CT45A10: variants seen among roughly 807,000 people sequenced by gnomAD.
CT45A10 encodes the protein cancer/testis antigen family 45 member A10.
In CT45A10, 19 loss-of-function variants were observed where a neutral mutation model predicts 8.3. That is an observed-to-expected ratio of 2.30 (90% CI 1.61 to 3.38). The LOEUF is 3.38. Ranked by LOEUF, CT45A10 falls within the 30% of genes most tolerant of loss-of-function variation. The pLI is 0.00. For missense variants in CT45A10, 149 were observed against 85.9 expected, an observed-to-expected ratio of 1.73 and a Z score of -2.90; for synonymous variants, 28 against 26.5, an observed-to-expected ratio of 1.06 and a Z score of -0.17.
intron 1 of CT45A10, among the ~76,000 whole-genome samples, chrX:135,891,056 TA>T (rs1314442355): frequency 9.0e-6 from 1 of 111,633 alleles, no homozygotes; most frequent in Non-Finnish European, 1.9e-5. Context: ...GTGCTTTTAA[TA>T]AATGCACTTC....
intron 1 of CT45A10, among the ~76,000 whole-genome samples, chrX:135,892,407 G>A (rs1010058538): frequency 2.7e-5 from 3 of 111,944 alleles, no homozygotes; most frequent in African/African-American, 6.5e-5. Context: ...TGCATGTGGC[G>A]AATCTGGAAC....
chrX:135,882,958 A>C, intron 3 of CT45A10, 50 bp downstream of exon 3: 1 of 1,173,822 alleles, frequency 8.5e-7, no homozygotes, highest in East Asian at 3.0e-5. Flanking sequence ...GAATCATAGA[A>C]AGAGTGACTT....
chrX:135,882,015 C>T (rs1302824026), intron 4 of CT45A10, among the ~76,000 whole-genome samples: 1 of 46,829 alleles, frequency 2.1e-5, no homozygotes, highest in Non-Finnish European at 4.0e-5. Context: ...ATGATTAATA[C>T]GTAGAAGTAT....
chrX:135,888,431 C>T (rs1411619391), intron 1 of CT45A10, among the ~76,000 whole-genome samples: 1 of 114,760 alleles, frequency 8.7e-6, no homozygotes, highest in African/African-American at 3.2e-5. Flanking sequence ...CAGATAGTGT[C>T]CCCAGGGCAG....
At position 135,882,683 on chromosome X, in the gene CT45A10, A is replaced by G; in HGVS notation, c.419-54T>C. ...ATTATCAAATATAAAGAAGAATAGA[A>G]GTGAATCTACACCTCAGCAATCATG... is the stretch of plus-strand genomic sequence containing the variant. On this transcript the variant is annotated intron_variant, in intron 3 of 4. Transcript: ENST00000682849. 17 of 1,031,711 alleles carry G rather than the reference A, an allele frequency of 1.6e-5. 1 individual carries two copies. The highest frequency in any genetic ancestry group is 1.3e-6 in the Non-Finnish European group (1 of 753,624). The allele number at this position is 1,031,711 out of a possible 1,213,427, so 85.0% of individuals were successfully genotyped here.
rs1415165180 is a variant in CT45A10, at chrX:135,883,548, T to C, written c.170-292A>G. On this transcript the variant is annotated intron_variant, in intron 2 of 4. Coordinates refer to ENST00000682849, the MANE Select transcript of CT45A10 (RefSeq NM_001291529.2). ...CCTATTTTCTGTCGCCTTGAATAGA[T>C]ATGGAAACCAAGTAAGGCAGTACAA... Among the ~76,000 whole-genome samples, 5 of 109,947 alleles carry C rather than the reference T, an allele frequency of 4.5e-5. 1 individual carries two copies. The highest frequency in any genetic ancestry group is 7.6e-5 in the Non-Finnish European group (4 of 52,548).
At position 135,893,364 on chromosome X, in the gene CT45A10, C is replaced by T. The variant is rs782575033; in HGVS notation, c.-26G>A. On this transcript the variant is annotated 5_prime_UTR_variant, in exon 1 of 5. Coordinates refer to ENST00000682849, the MANE Select transcript of CT45A10 (RefSeq NM_001291529.2). ...CCTGACCTTGCCGGAGGAGGGGCGG[C>T]AGCACCTCACAAAATGGCAGTGAAG... is the stretch of plus-strand genomic sequence containing the variant. Among the ~76,000 whole-genome samples, 2 of 112,751 alleles carry T rather than the reference C, an allele frequency of 1.8e-5. No individual in the cohort carries two copies. Among genetic ancestry groups the T allele is most frequent in the Non-Finnish European group, 3.8e-5 (2 of 53,280 alleles).
rs1339568271 is a variant in CT45A10, at chrX:135,882,616, G to T, written c.432C>A (p.Ile144=). The stretch of plus-strand genomic sequence containing the variant: ...CTTGCACTCCTTCAAGCATTTCGAA[G>T]ATTTTTTCATATTCTGAAGATGTTG... ...IRCLGRKYEK[I]FEMLEGVQGP... Residue 144 remains isoleucine, a synonymous_variant, in exon 4 of 5, where the codon ATC becomes ATA. Transcript: ENST00000682849. The T allele has an allele frequency of 8.7e-7, 1 of 1,154,912 alleles. No individual in the cohort carries two copies. Among genetic ancestry groups the T allele is most frequent in the African/African-American group, 1.9e-5 (1 of 53,044 alleles).
At chrX:135,889,896 T>TA (rs1243345378) in intron 1 of CT45A10, among the ~76,000 whole-genome samples, 5 of 110,386 alleles carry the variant, frequency 4.5e-5, no homozygotes, top group African/African-American at 6.6e-5. Flanking sequence ...CCCTAGGAGT[T>TA]AAAAAAAGTA....
At chrX:135,892,184 T>C (rs782409923) in intron 1 of CT45A10, among the ~76,000 whole-genome samples, 151 of 111,101 alleles carry the variant, frequency 1.4e-3, no homozygotes, top group Non-Finnish European at 1.4e-3. Context: ...TAGCCAGGCT[T>C]GGTGGCATGC....
At chrX:135,889,602 G>A (rs2088479606) in intron 1 of CT45A10, among the ~76,000 whole-genome samples, 1 of 111,589 alleles carries the variant, frequency 9.0e-6, no homozygotes, top group Admixed American at 9.4e-5. Context: ...TGTAATGTCA[G>A]CACCTTGGGA....
intron 1 of CT45A10, among the ~76,000 whole-genome samples, chrX:135,892,231 C>T (rs1457552803): frequency 9.0e-6 from 1 of 110,728 alleles, no homozygotes; most frequent in Non-Finnish European, 1.9e-5. Flanking sequence ...GAGAATCGAG[C>T]GAGCCTGGGA....
At chrX:135,883,345 G>A in intron 2 of CT45A10, 89 bp from the exon 3 acceptor site, 1 of 1,185,232 alleles carries the variant, frequency 8.4e-7, no homozygotes, top group Non-Finnish European at 1.1e-6. Context: ...TGACAGATCT[G>A]GAAATCAAAC....
intron 3 of CT45A10, 47 bp downstream of exon 3, chrX:135,882,961 A>T: frequency 8.5e-7 from 1 of 1,176,276 alleles, no homozygotes. Context: ...TCATAGAAAG[A>T]GTGACTTCCT....
chrX:135,890,109 C>A (rs2088486784), intron 1 of CT45A10, among the ~76,000 whole-genome samples: 1 of 112,520 alleles, frequency 8.9e-6, no homozygotes, highest in Non-Finnish European at 1.9e-5. Context: ...CCAAGAATTT[C>A]TTTTTCGGGG....
intron 4 of CT45A10, among the ~76,000 whole-genome samples, chrX:135,882,151 G>C (rs1348868871): frequency 2.4e-5 from 1 of 41,912 alleles, no homozygotes; most frequent in East Asian, 1.2e-3. Context: ...ATAAAAGCTT[G>C]AGGTGATAGA....
chrX:135,893,051 T>G, intron 1 of CT45A10, among the ~76,000 whole-genome samples: 1 of 109,718 alleles, frequency 9.1e-6, no homozygotes, highest in Non-Finnish European at 1.9e-5. Context: ...AACCCTGGGC[T>G]TAGGTCATTT....
Position 135,883,011 on chromosome X carries a change from G to A in CT45A10, c.415C>T (p.Arg139Ter), listed in dbSNP as rs1438137411. ...CAGACGTTCTTACACTACTTACTTC[G>A]TCCAAGGCATCGGATTTCCTTCACT... ...QVVKEIRCLGRKYEKIFEMLE... is the reference protein window; with the variant it reads ...QVVKEIRCLG Residue 139 changes from arginine to a stop codon, truncating the protein, a stop_gained, in exon 3 of 5, where the codon CGA becomes TGA. Coordinates refer to ENST00000682849, the MANE Select transcript of CT45A10 (RefSeq NM_001291529.2). LOFTEE classifies it high-confidence loss of function. 4.0e-4 allele frequency: 482 copies of A among 1,196,454 alleles called. 9 individuals carry two copies. Among genetic ancestry groups the A allele is most frequent in the Middle Eastern group, 1.4e-3 (6 of 4,283 alleles).
intron 1 of CT45A10, among the ~76,000 whole-genome samples, chrX:135,889,954 T>C (rs1337588759): frequency 8.9e-6 from 1 of 111,830 alleles, no homozygotes; most frequent in Non-Finnish European, 1.9e-5. Flanking sequence ...ATCTCTAAAT[T>C]CCAGACACTG....
Sources: gnomAD v4.1 joint callset for allele counts (sites outside exome capture counted in the v4.1 genomes callset) on GRCh38, gnomAD v4.1.1 for gene constraint, MANE v1.5 for transcripts, NCBI Gene and HGNC (gene_info 2026-07-23, HGNC 2026-07-21) for gene names.